QPRT: variants seen among roughly 807,000 people sequenced by gnomAD.
QPRT encodes quinolinate phosphoribosyltransferase, also known as nicotinate-nucleotide pyrophosphorylase [carboxylating].
QPRT carries 17 observed loss-of-function variants against 19.8 expected under a neutral mutation model. The ratio of observed to expected loss-of-function variants is 0.86; its 90% CI spans 0.59 to 1.29. The LOEUF (loss-of-function observed/expected upper bound fraction) is 1.29, where lower values mean the gene tolerates loss of function less well. Among genes scored for constraint, QPRT ranks in the 50% most tolerant of loss-of-function variants. QPRT has a pLI of 0.00. For synonymous variants in QPRT, 178 were observed against 191.0 expected (o/e 0.93, Z 0.56); for missense variants, 336 against 405.1 (o/e 0.83, Z 1.46).
intron 1 of QPRT, among the ~76,000 whole-genome samples, chr16:29,688,248 A>G (rs536421489): frequency 1.3e-5 from 2 of 152,218 alleles, no homozygotes; most frequent in Admixed American, 1.3e-4. Context: ...ACCAACCTAA[A>G]GGGATTCTTG....
At chr16:29,693,979 C>T (rs1287932084) in intron 1 of QPRT, among the ~76,000 whole-genome samples, 1 of 152,004 alleles carries the variant, frequency 6.6e-6, no homozygotes, top group African/African-American at 2.4e-5. Context: ...TGTCCACCCC[C>T]AAGCCTGGCT....
At chr16:29,691,036 C>T (rs1163071288) in intron 1 of QPRT, among the ~76,000 whole-genome samples, 1 of 150,958 alleles carries the variant, frequency 6.6e-6, no homozygotes, top group African/African-American at 2.4e-5. Context: ...GAATTCAAAT[C>T]CATTTTTTAA....
Position 29,697,979 on chromosome 16 carries a change from G to A in QPRT, c.*568G>A, listed in dbSNP as rs779881518. On this transcript the variant is annotated 3_prime_UTR_variant, in exon 4 of 4. Coordinates refer to ENST00000395384, the MANE Select transcript of QPRT (RefSeq NM_014298.6). This position sits in a 1 kb window ranked among gnomAD's most constrained non-coding sequence, Gnocchi z 4.4. The stretch of plus-strand genomic sequence containing the variant: ...AGCCTGGGTGATAGAGCGAGACTCT[G>A]TCTCCAAAGAAGAAACAAAGGAAAG... The A allele has an allele frequency of 3.6e-5, 5 of 140,770 alleles. No homozygotes were observed. Among genetic ancestry groups the A allele is most frequent in the Non-Finnish European group, 6.2e-5 (4 of 64,554 alleles). The allele number at this position is 140,770 out of a possible 1,614,324, so 8.7% of individuals were successfully genotyped here.
intron 1 of QPRT, among the ~76,000 whole-genome samples, chr16:29,682,406 C>T (rs149168365): frequency 0.027 from 4,046 of 152,016 alleles, 171 homozygotes; most frequent in African/African-American, 0.092. Flanking sequence ...GAGTTTCGCT[C>T]TTGTTGCCCA....
At chr16:29,681,279 C>T (rs1323471743) in intron 1 of QPRT, among the ~76,000 whole-genome samples, 1 of 152,024 alleles carries the variant, frequency 6.6e-6, no homozygotes, top group Non-Finnish European at 1.5e-5. Context: ...GCACTGGTCT[C>T]ACGGGGTTGT....
intron 2 of QPRT, 118 bp downstream of exon 2, chr16:29,695,317 C>T (rs982734239): frequency 8.4e-7 from 1 of 1,184,446 alleles, no homozygotes; most frequent in South Asian, 1.6e-5. Flanking sequence ...GAGTCAGCAA[C>T]ACAAGACTCT....
At chr16:29,679,128 C>T (rs775829531), upstream of QPRT, 3 of 1,613,636 alleles carry the variant, frequency 1.9e-6, no homozygotes, top group South Asian at 2.2e-5. Context: ...AGTCCCACCC[C>T]CAGCCTGGGG....
intron 2 of QPRT, 190 bp from the exon 3 acceptor site, chr16:29,696,806 C>G (rs1967549146): frequency 1.6e-6 from 1 of 625,048 alleles, no homozygotes; most frequent in African/African-American, 1.9e-5. Flanking sequence ...CAAAAACAAC[C>G]CCAAAGTCTG....
intron 1 of QPRT, among the ~76,000 whole-genome samples, chr16:29,680,814 A>ATG (rs1371680206): frequency 1.5e-4 from 23 of 151,966 alleles, no homozygotes; most frequent in African/African-American, 5.6e-4. Context: ...GGTGGTGCGC[A>ATG]CCTGTAATCC....
At chr16:29,686,835 C>G (rs980746568) in intron 1 of QPRT, among the ~76,000 whole-genome samples, 12 of 152,184 alleles carry the variant, frequency 7.9e-5, no homozygotes, top group South Asian at 2.1e-4. Context: ...TTCCTCCCAC[C>G]CTGGCTTCCC....
chr16:29,688,417 G>A (rs1189652629), intron 1 of QPRT, among the ~76,000 whole-genome samples: 2 of 152,128 alleles, frequency 1.3e-5, no homozygotes, highest in Non-Finnish European at 2.9e-5. Context: ...GGTGAACACG[G>A]AAGTCCAAGG....
intron 1 of QPRT, among the ~76,000 whole-genome samples, chr16:29,694,069 C>G (rs115030109): frequency 0.03 from 4,495 of 151,998 alleles, 246 homozygotes; most frequent in African/African-American, 0.1. Flanking sequence ...CCTGCCCCAG[C>G]CTCCCAAAGT....
At chr16:29,683,718 C>T (rs377437999) in intron 1 of QPRT, among the ~76,000 whole-genome samples, 13 of 152,168 alleles carry the variant, frequency 8.5e-5, no homozygotes, top group Admixed American at 5.9e-4. Flanking sequence ...GGGGCTGGCT[C>T]TTCCCCAACC....
chr16:29,690,817 G>A (rs973230798), intron 1 of QPRT, among the ~76,000 whole-genome samples: 3 of 152,072 alleles, frequency 2.0e-5, no homozygotes, highest in Non-Finnish European at 4.4e-5. Flanking sequence ...AGCCTCCCAA[G>A]TAGCTGGGAT....
intron 1 of QPRT, among the ~76,000 whole-genome samples, chr16:29,692,093 T>A (rs1437495043): frequency 6.6e-6 from 1 of 152,154 alleles, no homozygotes; most frequent in African/African-American, 2.4e-5. Context: ...GGAAGCCAAC[T>A]CCACGGATGG....
Position 29,679,353 on chromosome 16 carries a change from C to T in QPRT, c.13+143C>T, listed in dbSNP as rs969350229. The T allele has an allele frequency of 2.4e-5, 14 of 594,776 alleles. No homozygotes were observed. The African/African-American group carries it at 2.6e-4, about 11-fold the overall frequency. 36.8% of individuals were successfully genotyped at this position (594,776 alleles called of 1,614,324 possible). A position where few individuals can be genotyped will look rare whatever the true frequency, so the allele number is the denominator to read the frequency against. On this transcript the variant is annotated intron_variant, in intron 1 of 3. Transcript: ENST00000395384. ...TCCCGCCATCGACTCCCTTACCTAC[C>T]CCATGTCCCTGCAGCCTTGCTCAAC...
At chr16:29,685,224 A>G (rs1189297453) in intron 1 of QPRT, among the ~76,000 whole-genome samples, 1 of 152,108 alleles carries the variant, frequency 6.6e-6, no homozygotes, top group East Asian at 1.9e-4. Context: ...TAATCCCAGC[A>G]CTTTGGAAGG....
intron 1 of QPRT, among the ~76,000 whole-genome samples, chr16:29,689,250 A>G (rs1967254085): frequency 6.7e-6 from 1 of 150,216 alleles, no homozygotes; most frequent in African/African-American, 2.4e-5. Flanking sequence ...GCCTGCCACC[A>G]CAGCTGGTTA....
intron 1 of QPRT, among the ~76,000 whole-genome samples, chr16:29,688,817 G>A (rs916627004): frequency 5.7e-5 from 8 of 141,590 alleles, no homozygotes; most frequent in African/African-American, 2.1e-4. Flanking sequence ...TTTCGCTCTT[G>A]TTGGCCAGGC....
Sources: gnomAD v4.1 joint callset for allele counts (sites outside exome capture counted in the v4.1 genomes callset) on GRCh38, gnomAD v4.1.1 for gene constraint, Gnocchi (gnomAD v3.1) non-coding constraint, MANE v1.5 for transcripts, NCBI Gene and HGNC (gene_info 2026-07-23, HGNC 2026-07-21) for gene names.